The following USP54 variants were observed in gnomAD, a reference collection of about 807,000 sequenced individuals.
USP54 encodes ubiquitin carboxyl-terminal hydrolase 54.
Under a neutral mutation model 170.5 loss-of-function variants are expected in USP54, and 87 were observed. That is an observed-to-expected ratio of 0.51 (90% confidence interval 0.43 to 0.61). The LOEUF (loss-of-function observed/expected upper bound fraction) is 0.61, where lower values mean the gene tolerates loss of function less well. Among genes scored for constraint, USP54 ranks in the 20% least tolerant of loss-of-function variants. The probability of loss-of-function intolerance (pLI) is 0.00; values close to 1 mark genes in which losing one functional copy is unlikely to be tolerated. For synonymous variants in USP54, 655 were observed against 742.8 expected, an observed-to-expected ratio of 0.88 and a Z score of 1.92; for missense variants, 1,786 against 2,047.8, an observed-to-expected ratio of 0.87 and a Z score of 2.47.
chr10:73,536,256 C>G lies in USP54; in HGVS notation c.1144+13G>C. On this transcript the variant is annotated intron_variant, in intron 11 of 23. Coordinates refer to ENST00000687698, the MANE Select transcript of USP54 (RefSeq NM_001391956.1). ...GTGAGGAGAGAGGAGAGGTAAAGAGCCTGGCTGCTCACCTGAATCTTCACT... is the reference window on the plus strand; with the variant it reads ...GTGAGGAGAGAGGAGAGGTAAAGAGGCTGGCTGCTCACCTGAATCTTCACT... 6.2e-7 allele frequency: 1 copy of G among 1,613,566 alleles called. No homozygotes were observed. Among genetic ancestry groups the G allele is most frequent in the Admixed American group, 1.7e-5 (1 of 59,902 alleles).
At chr10:73,582,184 G>A (rs1385614355) in intron 1 of USP54, among the ~76,000 whole-genome samples, 1 of 152,084 alleles carries the variant, frequency 6.6e-6, no homozygotes, top group Admixed American at 6.5e-5. Context: ...GAAGGACACT[G>A]GGCCAGGAGG....
rs1471782826 is a variant in USP54, at chr10:73,500,843, T to C, written c.4312-5A>G. 4 of 1,594,744 alleles carry C rather than the reference T, an allele frequency of 2.5e-6. No homozygotes were observed. The highest frequency in any genetic ancestry group is 1.1e-5 in the South Asian group (1 of 88,402). On this transcript the variant is annotated splice_polypyrimidine_tract_variant and splice_region_variant and intron_variant, in intron 22 of 23. Coordinates refer to ENST00000687698, the MANE Select transcript of USP54 (RefSeq NM_001391956.1). ...CTTCCTCACGTTTGATGAATCCTTA[T>C]AATGAGACAAGACAAAAAAACATAG...
rs376106863 is a variant in USP54, at chr10:73,539,549, C to T, written c.870G>A (p.Leu290=). The T allele has an allele frequency of 5.0e-6, 8 of 1,610,982 alleles. No homozygotes were observed. The highest frequency in any genetic ancestry group is 1.7e-5 in the Admixed American group (1 of 59,892). Residue 290 remains leucine (L), a synonymous_variant, in exon 10 of 24, where the codon CTG becomes CTA. Transcript: ENST00000687698. ...VTDDRAKQSE[L]YLVGMICYYG... is the part of the protein sequence containing the mutation. Reference sequence around the variant, plus strand: ...AGTAACAGATCATTCCAACTAAGTACAGTTCAGATTGCTTGGCCCGGTCAT... The same window carrying T: ...AGTAACAGATCATTCCAACTAAGTATAGTTCAGATTGCTTGGCCCGGTCAT...
In USP54 at chr10:73,575,787, G is replaced by C. The variant is rs1564891636; in HGVS notation, c.-18+11C>G. 8.3e-7 allele frequency: 1 copy of C among 1,200,428 alleles called. No homozygotes were observed. The highest frequency in any genetic ancestry group is 1.1e-6 in the Non-Finnish European group (1 of 877,402). 74.4% of individuals were successfully genotyped at this position (1,200,428 alleles called of 1,614,324 possible). On this transcript the variant is annotated intron_variant, in intron 2 of 23. Coordinates refer to ENST00000687698, the MANE Select transcript of USP54 (RefSeq NM_001391956.1). ...TAGTGAATTTATTTTGGAAGATTTT[G>C]ACTTTACCACCTTCCAAATATCATC...
chr10:73,605,149 TC>T (rs1441490999), intron 1 of USP54, among the ~76,000 whole-genome samples: 1 of 152,134 alleles, frequency 6.6e-6, no homozygotes, highest in East Asian at 1.9e-4. Flanking sequence ...AGAAAAGTTC[TC>T]CAAGTCCCCA....
chr10:73,561,559 G>C (rs1195238718), intron 4 of USP54, among the ~76,000 whole-genome samples: 1 of 152,180 alleles, frequency 6.6e-6, no homozygotes, highest in African/African-American at 2.4e-5. Flanking sequence ...TGGCAAAAGG[G>C]AGGCAAAACA....
chr10:73,578,098 A>G (rs1354214348), intron 1 of USP54, among the ~76,000 whole-genome samples: 2 of 152,174 alleles, frequency 1.3e-5, no homozygotes, highest in African/African-American at 4.8e-5. Flanking sequence ...GCAAAAGGAG[A>G]AAAACGCAGT....
chr10:73,527,446 C>T (rs577445957), intron 15 of USP54, among the ~76,000 whole-genome samples: 80 of 142,390 alleles, frequency 5.6e-4, no homozygotes, highest in Non-Finnish European at 9.0e-4. Flanking sequence ...TGCAGTGAGC[C>T]GAGATCGTGC....
At chr10:73,503,326 CTGTT>C (rs1404759811) in intron 22 of USP54, among the ~76,000 whole-genome samples, 1 of 152,210 alleles carries the variant, frequency 6.6e-6, no homozygotes, top group Admixed American at 6.5e-5. Context: ...CACATTATAA[CTGTT>C]TGTTTATTTA....
intron 20 of USP54, among the ~76,000 whole-genome samples, chr10:73,509,105 CAAAAAA>C (rs34441562): frequency 4.2e-5 from 2 of 47,292 alleles, no homozygotes; most frequent in Admixed American, 4.5e-4. Flanking sequence ...ATCATACTGG[CAAAAAA>C]AAAAAAAAAA....
At chr10:73,528,236 C>A (rs1197507801) in intron 15 of USP54, among the ~76,000 whole-genome samples, 2 of 148,564 alleles carry the variant, frequency 1.3e-5, no homozygotes, top group Non-Finnish European at 3.0e-5. Context: ...GCCTGGCCCA[C>A]TAATACATTC....
At chr10:73,519,593 C>T (rs1350566389) in intron 19 of USP54, 1 of 773,620 alleles carries the variant, frequency 1.3e-6, no homozygotes, top group East Asian at 2.8e-5. Flanking sequence ...TTATGCTGTA[C>T]TTTTTGCATC....
chr10:73,507,753 T>C (rs1361850944), intron 20 of USP54, among the ~76,000 whole-genome samples: 1 of 148,486 alleles, frequency 6.7e-6, no homozygotes, highest in African/African-American at 2.5e-5. Context: ...TTTGGGAGAC[T>C]GAGGCAGTAG....
intron 1 of USP54, among the ~76,000 whole-genome samples, chr10:73,618,024 G>A (rs372147264): frequency 4.0e-5 from 6 of 148,902 alleles, no homozygotes; most frequent in South Asian, 4.2e-4. Flanking sequence ...CAGCCTGGCC[G>A]ACATGGTGAA....
intron 3 of USP54, 50 bp downstream of exon 3, chr10:73,575,462 A>T (rs1181477352): frequency 1.3e-6 from 2 of 1,525,246 alleles, no homozygotes; most frequent in Non-Finnish European, 1.8e-6. Context: ...GAAATACAGC[A>T]TCAGCAATTA....
intron 20 of USP54, 151 bp downstream of exon 20, chr10:73,516,224 C>A: frequency 1.1e-6 from 1 of 894,860 alleles, no homozygotes; most frequent in South Asian, 1.9e-5. Flanking sequence ...TAGGTCTTGT[C>A]CTGAAGGCTT....
At chr10:73,546,663 CACACTGA>C (rs1212187387) in intron 4 of USP54, 1 of 152,108 alleles carries the variant, frequency 6.6e-6, no homozygotes, top group Non-Finnish European at 1.5e-5. Flanking sequence ...TAAAAAGTAT[CACACTGA>C]ATTTTACTTG....
intron 1 of USP54, among the ~76,000 whole-genome samples, chr10:73,578,674 G>A (rs1403955700): frequency 6.6e-6 from 1 of 152,136 alleles, no homozygotes; most frequent in Non-Finnish European, 1.5e-5. Context: ...CAAATGCTGG[G>A]ATTACAGGCA....
intron 20 of USP54, among the ~76,000 whole-genome samples, chr10:73,512,253 C>T (rs1379168355): frequency 6.6e-6 from 1 of 152,114 alleles, no homozygotes; most frequent in African/African-American, 2.4e-5. Context: ...GATCCTCCTG[C>T]TTCAGCCTCC....
Sources: gnomAD v4.1 joint callset for allele counts (sites outside exome capture counted in the v4.1 genomes callset) on GRCh38, gnomAD v4.1.1 for gene constraint, MANE v1.5 for transcripts, NCBI Gene and HGNC (gene_info 2026-07-23, HGNC 2026-07-21) for gene names.